GSAP: variants seen among roughly 807,000 people sequenced by gnomAD.
The protein encoded by GSAP is gamma-secretase activating protein.
GSAP carries 118 observed loss-of-function variants against 131.7 expected under a neutral mutation model. That is an observed-to-expected ratio of 0.90 (90% CI 0.77 to 1.04). GSAP has a LOEUF of 1.04. Among genes scored for constraint, GSAP ranks in the 50% least tolerant of loss-of-function variants. GSAP has a pLI of 0.00. For missense variants in GSAP, 1,019 were observed against 1,013.2 expected (o/e 1.01, Z -0.08); for synonymous variants, 381 against 363.4 (o/e 1.05, Z -0.55).
At chr7:77,314,614 T>C in intron 26 of GSAP, 125 bp from the exon 27 acceptor site, 1 of 1,020,998 alleles carries the variant, frequency 9.8e-7, no homozygotes, top group Non-Finnish European at 1.4e-6. Context: ...CAACTGAATT[T>C]CTTGAAAACA....
intron 19 of GSAP, among the ~76,000 whole-genome samples, chr7:77,342,144 G>C (rs918531806): frequency 2.6e-5 from 4 of 152,316 alleles, no homozygotes; most frequent in Non-Finnish European, 5.9e-5. Flanking sequence ...CTCCTTCCCA[G>C]ATCTTCTTGG....
intron 19 of GSAP, among the ~76,000 whole-genome samples, chr7:77,335,197 C>G (rs1789798067): frequency 6.6e-6 from 1 of 152,030 alleles, no homozygotes; most frequent in Non-Finnish European, 1.5e-5. Flanking sequence ...CTCAGAAGTT[C>G]GAGACCAGCC....
chr7:77,380,279 A>G (rs1011001617), intron 8 of GSAP, among the ~76,000 whole-genome samples: 3 of 152,174 alleles, frequency 2.0e-5, no homozygotes, highest in African/African-American at 7.2e-5. Context: ...TTGAGGGAAC[A>G]TGTACTCTTA....
At chr7:77,327,624 A>AT (rs1392680375) in intron 22 of GSAP, 1 of 131,434 alleles carries the variant, frequency 7.6e-6, no homozygotes, top group Non-Finnish European at 1.8e-5. Flanking sequence ...GGAGTGGGAT[A>AT]TAAAAACAAA....
Position 77,397,335 on chromosome 7 carries a change from G to C in GSAP, c.313+11C>G, listed in dbSNP as rs1197727763. The C allele has an allele frequency of 6.4e-7, 1 of 1,554,840 alleles. No individual in the cohort carries two copies. Reference sequence around the variant, plus strand: ...CAGTTCTTGACATGTAGCAATAAGAGCTCAACTTACCAAGCAAAGTCCTTT... The same window carrying C: ...CAGTTCTTGACATGTAGCAATAAGACCTCAACTTACCAAGCAAAGTCCTTT... On this transcript the variant is annotated intron_variant, in intron 4 of 30. Transcript: ENST00000257626.
At chr7:77,387,184 C>T (rs997581085) in intron 6 of GSAP, among the ~76,000 whole-genome samples, 176 bp downstream of exon 6, 1 of 152,180 alleles carries the variant, frequency 6.6e-6, no homozygotes, top group East Asian at 1.9e-4. Flanking sequence ...GAGCTAGCTT[C>T]GAGTTCTTAA....
At chr7:77,400,990 G>C (rs1317381732) in intron 3 of GSAP, among the ~76,000 whole-genome samples, 1 of 148,628 alleles carries the variant, frequency 6.7e-6, no homozygotes, top group African/African-American at 2.5e-5. Context: ...ACAACATAGT[G>C]GAGAGGACAG....
chr7:77,372,466 T>C (rs1039703343), intron 12 of GSAP, among the ~76,000 whole-genome samples: 1 of 152,228 alleles, frequency 6.6e-6, no homozygotes, highest in African/African-American at 2.4e-5. Context: ...ATGTGATTAA[T>C]TTATTTCAGT....
At chr7:77,313,380 A>G in intron 28 of GSAP, 108 bp downstream of exon 28, 3 of 643,046 alleles carry the variant, frequency 4.7e-6, no homozygotes, top group Non-Finnish European at 8.3e-6. Context: ...AAGTGAAACA[A>G]TTCAATTGAC....
intron 28 of GSAP, 53 bp downstream of exon 28, chr7:77,313,434 GA>G: frequency 1.1e-6 from 1 of 874,842 alleles, no homozygotes; most frequent in Admixed American, 2.2e-5. Flanking sequence ...AGAAGAAATT[GA>G]AGGAGGGTAA....
chr7:77,314,681 G>T (rs1037128450), intron 26 of GSAP, 192 bp from the exon 27 acceptor site: 14 of 537,212 alleles, frequency 2.6e-5, no homozygotes, highest in Middle Eastern at 9.4e-4. Context: ...TGGGTCTATA[G>T]TAAGTTTCCG....
At chr7:77,382,898 G>T (rs1179137067) in intron 6 of GSAP, among the ~76,000 whole-genome samples, 2 of 152,030 alleles carry the variant, frequency 1.3e-5, no homozygotes, top group African/African-American at 4.8e-5. Context: ...TAACAGTAAG[G>T]CTTCTGGCTG....
chr7:77,337,311 G>T (rs1488084036), intron 19 of GSAP, among the ~76,000 whole-genome samples: 1 of 145,702 alleles, frequency 6.9e-6, no homozygotes, highest in Non-Finnish European at 1.5e-5. Flanking sequence ...TGGGGGGGGG[G>T]TTACAGGCGT....
At chr7:77,375,500 C>G (rs1012251405) in intron 10 of GSAP, among the ~76,000 whole-genome samples, 1 of 152,136 alleles carries the variant, frequency 6.6e-6, no homozygotes, top group Admixed American at 6.5e-5. Context: ...GGGGTAAGTG[C>G]AATTCTTGCA....
Position 77,314,365 on chromosome 7 carries a change from C to CTT in GSAP, c.2209+3_2209+4dup, listed in dbSNP as rs1484223402. On this transcript the variant is annotated splice_donor_region_variant and intron_variant, in intron 27 of 30. Transcript: ENST00000257626. ...TAGCACTCTGGCAAACTCAGGGCTT[C>CTT]TTACCTTTCATGAGCCTTATGACAG... 6.2e-7 allele frequency: 1 copy of CTT among 1,613,532 alleles called. No individual in the cohort carries two copies. The highest frequency in any genetic ancestry group is 2.2e-5 in the East Asian group (1 of 44,864).
upstream of GSAP, chr7:77,416,503 GC>G (rs1363731349): frequency 7.3e-6 from 3 of 412,974 alleles, no homozygotes; most frequent in East Asian, 1.1e-4. Context: ...CTCCCGGCCG[GC>G]GGCCCGCACC....
chr7:77,376,923 G>A lies in GSAP; in HGVS notation c.682-16C>T. 3 of 1,327,008 alleles carry A rather than the reference G, an allele frequency of 2.3e-6. No individual in the cohort carries two copies. Among genetic ancestry groups the A allele is most frequent in the South Asian group, 1.3e-5 (1 of 75,750 alleles). The allele number at this position is 1,327,008 out of a possible 1,614,324, so 82.2% of individuals were successfully genotyped here. Reference sequence around the variant, plus strand: ...TCCTTGATTTCTAAAAGAGAAAACAGAATGGCATATTAAAAAACCAGGAAA... The same window carrying A: ...TCCTTGATTTCTAAAAGAGAAAACAAAATGGCATATTAAAAAACCAGGAAA... On this transcript the variant is annotated splice_polypyrimidine_tract_variant and intron_variant, in intron 9 of 30. Coordinates refer to ENST00000257626, the MANE Select transcript of GSAP (RefSeq NM_017439.4).
At chr7:77,404,650 A>C (rs777472277) in intron 2 of GSAP, 35 bp from the exon 3 acceptor site, 2 of 1,187,418 alleles carry the variant, frequency 1.7e-6, no homozygotes, top group South Asian at 2.5e-5. Flanking sequence ...ATTAAATGTC[A>C]TTGTTTAGGA....
rs894225745 is a variant in GSAP at position 77,388,092 on chromosome 7, CTTAAAGTTTGACT to C, written c.368-657_368-645del. ...ACCAGGGGGAAAAAAAGGTGATTTT[CTTAAAGTTTGACT>C]TTAAAGTTTGACTTTGACATTTCTA... On this transcript the variant is annotated intron_variant, in intron 5 of 30. Transcript: ENST00000257626. Among the ~76,000 whole-genome samples the C allele has an allele frequency of 5.3e-5, 8 of 152,304 alleles. No individual in the cohort carries two copies. In the South Asian group the frequency reaches 8.3e-4, roughly 16 times the overall value.
Sources: allele counts gnomAD v4.1 joint callset (sites outside exome capture counted in the v4.1 genomes callset), GRCh38; gene constraint gnomAD v4.1.1; transcripts MANE v1.5; gene names NCBI Gene and HGNC (gene_info 2026-07-23, HGNC 2026-07-21).